Variants in MGAT5B observed in about 807,000 individuals in gnomAD.
MGAT5B encodes alpha-1,6-mannosylglycoprotein 6-beta-N-acetylglucosaminyltransferase B.
A neutral mutation model predicts 95.1 loss-of-function variants in MGAT5B; 54 were observed. The ratio of observed to expected loss-of-function variants is 0.57; its 90% CI spans 0.46 to 0.71. The LOEUF (loss-of-function observed/expected upper bound fraction) is 0.71. Among genes scored for constraint, MGAT5B ranks in the 30% least tolerant of loss-of-function variants. The pLI is 0.00. For missense variants in MGAT5B, 935 were observed against 1,088.6 expected, an observed-to-expected ratio of 0.86 and a Z score of 1.99; for synonymous variants, 464 against 451.0, an observed-to-expected ratio of 1.03 and a Z score of -0.36.
chr17:76,870,868 A>T lies in MGAT5B; in HGVS notation c.68+1771A>T, dbSNP rs1190923424. 2.0e-5 allele frequency among the ~76,000 whole-genome samples: 3 copies of T among 151,892 alleles called. No individual in the cohort carries two copies. Among genetic ancestry groups the T allele is most frequent in the African/African-American group, 7.3e-5 (3 of 41,324 alleles). ...GTCTTTATTCCATAGGTGCCCCTGGAATGTTGCTTGAGTGGATACATGGAT... is the reference window on the plus strand; with the variant it reads ...GTCTTTATTCCATAGGTGCCCCTGGTATGTTGCTTGAGTGGATACATGGAT... On this transcript the variant is annotated intron_variant, in intron 1 of 17. Coordinates refer to ENST00000569840, the MANE Select transcript of MGAT5B (RefSeq NM_001199172.2). This position sits in a 1 kb window ranked among gnomAD's most constrained non-coding sequence, Gnocchi z 5.0.
chr17:76,900,263 G>T (rs8064352), intron 3 of MGAT5B, among the ~76,000 whole-genome samples: 56,633 of 152,070 alleles, frequency 0.37, 11,336 homozygotes, highest in East Asian at 0.85. Context: ...AGCAAATGAA[G>T]CAGGTAGCTT....
At chr17:76,907,575 T>C (rs1163406790) in intron 8 of MGAT5B, among the ~76,000 whole-genome samples, 1 of 152,348 alleles carries the variant, frequency 6.6e-6, no homozygotes, top group East Asian at 1.9e-4. Context: ...TAATATTCCA[T>C]TGTGTGAATG....
intron 8 of MGAT5B, chr17:76,923,837 G>T (rs1204688157): frequency 6.6e-6 from 1 of 152,246 alleles, no homozygotes; most frequent in Non-Finnish European, 1.5e-5. Context: ...GTTTGGGGAA[G>T]CGGGTGCCTG....
intron 10 of MGAT5B, among the ~76,000 whole-genome samples, chr17:76,928,544 A>G (rs559764800): frequency 6.6e-6 from 1 of 151,978 alleles, no homozygotes; most frequent in Non-Finnish European, 1.5e-5. Context: ...GTCTCTACTA[A>G]AAATACAAAA....
chr17:76,926,799 G>A (rs1969328459), intron 10 of MGAT5B, 69 bp downstream of exon 10: 2 of 1,560,862 alleles, frequency 1.3e-6, no homozygotes, highest in Non-Finnish European at 1.7e-6. Context: ...GACACGAGAG[G>A]CGGCCAGGGT....
At chr17:76,902,827 G>T (rs1378304388) in intron 4 of MGAT5B, among the ~76,000 whole-genome samples, 157 bp downstream of exon 4, 1 of 146,946 alleles carries the variant, frequency 6.8e-6, no homozygotes, top group Admixed American at 6.7e-5. Flanking sequence ...CTTTCAGCAG[G>T]ACAACTGGGG....
intron 8 of MGAT5B, among the ~76,000 whole-genome samples, chr17:76,921,883 A>C (rs1333663965): frequency 6.6e-6 from 1 of 152,198 alleles, no homozygotes; most frequent in Non-Finnish European, 1.5e-5. Context: ...TGGGAACAGG[A>C]TGAGAATGGG....
intron 10 of MGAT5B, among the ~76,000 whole-genome samples, chr17:76,932,058 C>CT (rs758070404): frequency 0.37 from 54,117 of 146,992 alleles, 10,343 homozygotes; most frequent in Admixed American, 0.41. Flanking sequence ...CTTTCTCCTC[C>CT]TCCTTTTTTC....
intron 3 of MGAT5B, among the ~76,000 whole-genome samples, chr17:76,888,529 C>T (rs1001737240): frequency 6.6e-6 from 1 of 152,144 alleles, no homozygotes; most frequent in African/African-American, 2.4e-5. Flanking sequence ...CCCTAGCCAG[C>T]GGCGGGGAGA....
intron 2 of MGAT5B, among the ~76,000 whole-genome samples, chr17:76,880,362 A>G (rs1967364344): frequency 6.6e-6 from 1 of 152,052 alleles, no homozygotes; most frequent in African/African-American, 2.4e-5. Context: ...AGGCGGGTTC[A>G]CCTGGCAGGG....
intron 2 of MGAT5B, among the ~76,000 whole-genome samples, chr17:76,875,750 C>T (rs1437924923): frequency 7.1e-6 from 1 of 140,750 alleles, no homozygotes; most frequent in African/African-American, 2.7e-5. Context: ...GGCATTTGGT[C>T]GTTTCCAGTT....
chr17:76,899,588 G>A (rs2145178271), intron 3 of MGAT5B, among the ~76,000 whole-genome samples: 1 of 152,304 alleles, frequency 6.6e-6, no homozygotes, highest in Non-Finnish European at 1.5e-5. Context: ...AGTGAGCCAT[G>A]ATTGCGCCAC....
At chr17:76,919,067 T>C (rs1969039194) in intron 8 of MGAT5B, among the ~76,000 whole-genome samples, 2 of 152,194 alleles carry the variant, frequency 1.3e-5, no homozygotes, top group South Asian at 4.1e-4. Context: ...ACCAGAGCGA[T>C]GTGGTGGCTC....
rs1279519648 is a variant in MGAT5B, at chr17:76,898,006, G to T, written c.330-4549G>T. Among the ~76,000 whole-genome samples, 12 of 151,618 alleles carry T rather than the reference G, an allele frequency of 7.9e-5. No individual in the cohort carries two copies. In the East Asian group the frequency reaches 2.2e-3, roughly 27 times the overall value. The stretch of plus-strand genomic sequence containing the variant: ...AGGAGGCAGAGGCTGCAGTGAGCCG[G>T]GATTGTGTCATTGCACTCCAGCCTG... On this transcript the variant is annotated intron_variant, in intron 3 of 17. Transcript: ENST00000569840.
chr17:76,914,194 C>T lies in MGAT5B; in HGVS notation c.1025+8007C>T, dbSNP rs1022544719. On this transcript the variant is annotated intron_variant, in intron 8 of 17. Transcript: ENST00000569840. The surrounding 1 kb of genome is among the most constrained non-coding windows in gnomAD (Gnocchi z 5.1). Reference sequence around the variant, plus strand: ...GAATTTGGCCACAAAGATGTCATTGCTGACTTTGGAAAGAGCATTGTGGTG... The same window carrying T: ...GAATTTGGCCACAAAGATGTCATTGTTGACTTTGGAAAGAGCATTGTGGTG... 5.0e-6 allele frequency: 1 copy of T among 198,384 alleles called. No individual in the cohort carries two copies. Among genetic ancestry groups the T allele is most frequent in the African/African-American group, 2.3e-5 (1 of 42,668 alleles). The allele number at this position is 198,384 out of a possible 1,614,324, so 12.3% of individuals were successfully genotyped here.
At chr17:76,888,308 T>C (rs998706946) in intron 3 of MGAT5B, among the ~76,000 whole-genome samples, 3 of 151,934 alleles carry the variant, frequency 2.0e-5, no homozygotes, top group African/African-American at 7.2e-5. Flanking sequence ...GGGGGCTCCA[T>C]GTCCCGTGTG....
In MGAT5B at chr17:76,940,502, G is replaced by C; in HGVS notation, c.1685G>C (p.Ser562Thr). 2 of 1,613,794 alleles carry C rather than the reference G, an allele frequency of 1.2e-6. No homozygotes were observed. The highest frequency in any genetic ancestry group is 2.2e-5 in the South Asian group (2 of 91,050). The change falls in exon 14 of 18, where the codon AGC (serine) becomes ACC (threonine). Residue 562 changes from serine to threonine, a missense_variant. Coordinates refer to ENST00000569840, the MANE Select transcript of MGAT5B (RefSeq NM_001199172.2). This position sits in a 1 kb window ranked among gnomAD's most constrained non-coding sequence, Gnocchi z 4.3. ...CAGTCCCGCTTCAGCCCGCCCCACAGCTCCCTCAACCACGAGTTCTTCCGA... is the reference window on the plus strand; with the variant it reads ...CAGTCCCGCTTCAGCCCGCCCCACACCTCCCTCAACCACGAGTTCTTCCGA... ...FLQSRFSPPH[S>T]SLNHEFFRGK...
chr17:76,909,152 T>A (rs1968643137), intron 8 of MGAT5B, among the ~76,000 whole-genome samples: 1 of 152,012 alleles, frequency 6.6e-6, no homozygotes, highest in South Asian at 2.1e-4. Context: ...AAAATAGAGA[T>A]GGGTTTCCGC....
intron 3 of MGAT5B, among the ~76,000 whole-genome samples, chr17:76,899,452 TG>T (rs1191260705): frequency 6.6e-6 from 1 of 152,084 alleles, no homozygotes; most frequent in African/African-American, 2.4e-5. Context: ...GAGACCAGCC[TG>T]GGCAATATAT....
Sources: allele counts gnomAD v4.1 joint callset (sites outside exome capture counted in the v4.1 genomes callset), GRCh38; gene constraint gnomAD v4.1.1; non-coding constraint Gnocchi (gnomAD v3.1); transcripts MANE v1.5; gene names NCBI Gene and HGNC (gene_info 2026-07-23, HGNC 2026-07-21).